FAHD2A: variants seen among roughly 807,000 people sequenced by gnomAD.
The protein encoded by FAHD2A is fumarylacetoacetate hydrolase domain containing 2A.
FAHD2A carries 27 observed loss-of-function variants against 33.4 expected under a neutral mutation model. The ratio of observed to expected loss-of-function variants is 0.81; its 90% CI spans 0.60 to 1.11. The LOEUF (loss-of-function observed/expected upper bound fraction) is 1.11, where lower values mean the gene tolerates loss of function less well. Ranked by LOEUF, FAHD2A falls within the 50% of genes most tolerant of loss-of-function variation. The pLI is 0.00. For missense variants in FAHD2A, 296 were observed against 395.0 expected (o/e 0.75, Z 2.12); for synonymous variants, 130 against 153.3 (o/e 0.85, Z 1.12).
At chr2:95,407,310 GAAA>G in intron 3 of FAHD2A, 153 bp downstream of exon 3, 1 of 1,111,724 alleles carries the variant, frequency 9.0e-7, no homozygotes, top group Non-Finnish European at 1.3e-6. Context: ...ACTGGCCTTG[GAAA>G]AAAAAAGTTA....
At chr2:95,418,346 C>T (rs1683265784), downstream of FAHD2A, among the ~76,000 whole-genome samples, 2 of 151,792 alleles carry the variant, frequency 1.3e-5, no homozygotes, top group South Asian at 4.2e-4. Flanking sequence ...GCAATACTTG[C>T]CCTGAGCTCA....
Position 95,412,643 on chromosome 2 carries a change from C to A in FAHD2A, c.795-34C>A, listed in dbSNP as rs1229230348. On this transcript the variant is annotated intron_variant, in intron 6 of 7. Transcript: ENST00000233379. ...TTGGCTGTGGCCACCTCAGCCAGCC[C>A]CTGGTCTCACCGGGTCCTTCTGCTT... is the stretch of plus-strand genomic sequence containing the variant. The A allele has an allele frequency of 1.9e-6, 3 of 1,613,770 alleles. No individual in the cohort carries two copies. The African/African-American group carries it at 4.0e-5, about 22-fold the overall frequency.
rs1328116651 is a variant in FAHD2A, at chr2:95,406,659, C to T, written c.246-282C>T. Among the ~76,000 whole-genome samples the T allele has an allele frequency of 5.9e-5, 9 of 152,080 alleles. No individual in the cohort carries two copies. The East Asian group carries it at 1.7e-3, about 29-fold the overall frequency. ...CGAAGAGCCAGGGGAACGGGGTAACCGGAAGGGGAAAGGGAAACCTTTCCA... is the reference window on the plus strand; with the variant it reads ...CGAAGAGCCAGGGGAACGGGGTAACTGGAAGGGGAAAGGGAAACCTTTCCA... On this transcript the variant is annotated intron_variant, in intron 2 of 7. Transcript: ENST00000233379.
At chr2:95,406,799 T>C (rs1453324868) in intron 2 of FAHD2A, 142 bp from the exon 3 acceptor site, 12 of 1,432,708 alleles carry the variant, frequency 8.4e-6, no homozygotes, top group Non-Finnish European at 1.1e-5. Flanking sequence ...TCAGTGATTT[T>C]CACACTGACT....
In FAHD2A at chr2:95,415,681, C is replaced by A. The variant is rs1003264148; in HGVS notation, c.*2724C>A. 2 of 152,642 alleles carry A rather than the reference C, an allele frequency of 1.3e-5. No homozygotes were observed. Among genetic ancestry groups the A allele is most frequent in the African/African-American group, 4.8e-5 (2 of 41,430 alleles). The allele number at this position is 152,642 out of a possible 1,614,324, so 9.5% of individuals were successfully genotyped here. A position where few individuals can be genotyped will look rare whatever the true frequency, so the allele number is the denominator to read the frequency against. ...AAGCTGGGGAAGAGCCTGCTGCCGCCCAGCTCTGGTTGTGGAAGGGCTGGC... is the reference window on the plus strand; with the variant it reads ...AAGCTGGGGAAGAGCCTGCTGCCGCACAGCTCTGGTTGTGGAAGGGCTGGC... On this transcript the variant is annotated 3_prime_UTR_variant, in exon 8 of 8. Coordinates refer to ENST00000233379, the MANE Select transcript of FAHD2A (RefSeq NM_016044.3).
rs190060216 is a variant in FAHD2A, at chr2:95,414,096, A to C, written c.*1139A>C. ...CACAGGCTTCTCTCCTCTTGTTTAAAGAAGCCCAGGGAGGGATAGATCTCC... is the reference window on the plus strand; with the variant it reads ...CACAGGCTTCTCTCCTCTTGTTTAACGAAGCCCAGGGAGGGATAGATCTCC... On this transcript the variant is annotated 3_prime_UTR_variant, in exon 8 of 8. Coordinates refer to ENST00000233379, the MANE Select transcript of FAHD2A (RefSeq NM_016044.3). 1 of 1,439,672 alleles carries C rather than the reference A, an allele frequency of 6.9e-7. No homozygotes were observed. Among genetic ancestry groups the C allele is most frequent in the African/African-American group, 1.4e-5 (1 of 71,044 alleles). 89.2% of individuals were successfully genotyped at this position (1,439,672 alleles called of 1,614,324 possible).
chr2:95,412,566 C>T (rs1682712167), intron 6 of FAHD2A, 24 bp downstream of exon 6: 1 of 1,613,688 alleles, frequency 6.2e-7, no homozygotes, highest in African/African-American at 1.3e-5. Context: ...GCTGTCCTGC[C>T]AGCCCCGCTT....
At chr2:95,411,366 A>G (rs1160414899) in intron 5 of FAHD2A, among the ~76,000 whole-genome samples, 3 of 152,260 alleles carry the variant, frequency 2.0e-5, no homozygotes, top group Non-Finnish European at 1.5e-5. Flanking sequence ...CCCAAGGCCA[A>G]GGCATTTTCC....
chr2:95,410,777 G>A, intron 4 of FAHD2A, 87 bp from the exon 5 acceptor site: 1 of 1,582,894 alleles, frequency 6.3e-7, no homozygotes, highest in South Asian at 1.2e-5. Context: ...TACTAACATG[G>A]GATAACAGCT....
rs1406832166 is a variant in FAHD2A, at chr2:95,414,368, T to C, written c.*1411T>C. On this transcript the variant is annotated 3_prime_UTR_variant, in exon 8 of 8. Transcript: ENST00000233379. Reference sequence around the variant, plus strand: ...TGGGTGGATATAGAGTATGAAGATGTGGAGCTGGGAAAACAGAGGATGTGG... The same window carrying C: ...TGGGTGGATATAGAGTATGAAGATGCGGAGCTGGGAAAACAGAGGATGTGG... 2.9e-6 allele frequency: 2 copies of C among 696,736 alleles called. No homozygotes were observed. Among genetic ancestry groups the C allele is most frequent in the East Asian group, 5.5e-5 (2 of 36,596 alleles). 43.2% of individuals were successfully genotyped at this position (696,736 alleles called of 1,614,324 possible).
chr2:95,418,689 C>T (rs986254976), downstream of FAHD2A, among the ~76,000 whole-genome samples: 7 of 151,974 alleles, frequency 4.6e-5, no homozygotes, highest in African/African-American at 1.5e-4. Context: ...AGCCATCGAG[C>T]TTGGCATTGA....
At position 95,413,988 on chromosome 2, in the gene FAHD2A, C is replaced by T; in HGVS notation, c.*1031C>T. 5 of 1,430,120 alleles carry T rather than the reference C, an allele frequency of 3.5e-6. No individual in the cohort carries two copies. Among genetic ancestry groups the T allele is most frequent in the Non-Finnish European group, 4.9e-6 (5 of 1,013,726 alleles). 88.6% of individuals were successfully genotyped at this position (1,430,120 alleles called of 1,614,324 possible). On this transcript the variant is annotated 3_prime_UTR_variant, in exon 8 of 8. Transcript: ENST00000233379. ...TAGGTCTCTGAAGGTCCAGATAGCA[C>T]TGATGGCAAGCTTTGGGTCTGCACA...
At chr2:95,406,811 T>G (rs1340297910) in intron 2 of FAHD2A, 130 bp from the exon 3 acceptor site, 2 of 1,449,346 alleles carry the variant, frequency 1.4e-6, no homozygotes, top group Non-Finnish European at 1.8e-6. Context: ...ACACTGACTC[T>G]GATGGTTGAT....
downstream of FAHD2A, among the ~76,000 whole-genome samples, chr2:95,417,756 GAC>G (rs1683249175): frequency 6.6e-6 from 1 of 152,048 alleles, no homozygotes; most frequent in Non-Finnish European, 1.5e-5. Flanking sequence ...CAGAGAGAGA[GAC>G]AGAGAAAGAA....
chr2:95,419,221 G>C (rs555798604), downstream of FAHD2A, among the ~76,000 whole-genome samples: 1 of 152,194 alleles, frequency 6.6e-6, no homozygotes, highest in South Asian at 2.1e-4. Context: ...GGCACCCCTA[G>C]AAAACTAATA....
chr2:95,419,449 A>G (rs900968631), downstream of FAHD2A, among the ~76,000 whole-genome samples: 2 of 152,006 alleles, frequency 1.3e-5, no homozygotes, highest in African/African-American at 4.8e-5. Flanking sequence ...TTAAAAGGAG[A>G]ACTCAAGTGG....
intron 1 of FAHD2A, among the ~76,000 whole-genome samples, chr2:95,404,042 T>C (rs1187659213): frequency 6.6e-6 from 1 of 152,160 alleles, no homozygotes; most frequent in Non-Finnish European, 1.5e-5. Flanking sequence ...GACCTAAGTC[T>C]AATGAATCTT....
rs550003198 is a variant in FAHD2A, at chr2:95,407,311, A to G, written c.462+154A>G. ...CACACAGTAGTAACACTGGCCTTGG[A>G]AAAAAAAAGTTAATGTACGTGTTTT... On this transcript the variant is annotated intron_variant, in intron 3 of 7. Transcript: ENST00000233379. 7.5e-5 allele frequency: 82 copies of G among 1,089,782 alleles called. No individual in the cohort carries two copies. In the African/African-American group the frequency reaches 1.2e-3, roughly 16 times the overall value. The allele number at this position is 1,089,782 out of a possible 1,614,324, so 67.5% of individuals were successfully genotyped here.
At chr2:95,419,365 C>G (rs2911536), downstream of FAHD2A, among the ~76,000 whole-genome samples, 10 of 151,224 alleles carry the variant, frequency 6.6e-5, no homozygotes, top group East Asian at 1.2e-3. Context: ...AATCTAGAGA[C>G]AGAGAGAGAG....
Sources: gnomAD v4.1 joint callset for allele counts (sites outside exome capture counted in the v4.1 genomes callset) on GRCh38, gnomAD v4.1.1 for gene constraint, MANE v1.5 for transcripts, NCBI Gene and HGNC (gene_info 2026-07-23, HGNC 2026-07-21) for gene names.